Variants in ZC3H12B observed in about 807,000 individuals in gnomAD.
ZC3H12B encodes the protein zinc finger CCCH-type containing 12B.
Under a neutral mutation model 43.9 loss-of-function variants are expected in ZC3H12B, and 7 were observed. That is an observed-to-expected ratio of 0.16 (90% confidence interval 0.09 to 0.30). ZC3H12B has a LOEUF of 0.30. Among genes scored for constraint, ZC3H12B ranks in the 10% least tolerant of loss-of-function variants. The pLI is 1.00. For missense variants in ZC3H12B, 475 were observed against 670.2 expected, an observed-to-expected ratio of 0.71 and a Z score of 3.22; for synonymous variants, 222 against 241.7, an observed-to-expected ratio of 0.92 and a Z score of 0.76.
At chrX:65,470,903 G>T (rs2067902714) in intron 3 of ZC3H12B, among the ~76,000 whole-genome samples, 1 of 112,039 alleles carries the variant, frequency 8.9e-6, no homozygotes, top group Non-Finnish European at 1.9e-5. Context: ...TACTTGATAT[G>T]ATTTTGATTT....
the ZC3H12B span, among the ~76,000 whole-genome samples, chrX:65,353,440 C>A: frequency 6.3e-5 from 7 of 111,965 alleles, no homozygotes; most frequent in Non-Finnish European, 7.5e-5. Flanking sequence ...AACCTTAGAA[C>A]AAACACTAGA....
chrX:65,072,749 G>A, the ZC3H12B span, among the ~76,000 whole-genome samples: 1 of 111,842 alleles, frequency 8.9e-6, no homozygotes, highest in Non-Finnish European at 1.9e-5. Flanking sequence ...AGTGGCAGCA[G>A]CAACATGGTG....
the ZC3H12B span, among the ~76,000 whole-genome samples, chrX:65,357,722 C>T: frequency 2.7e-5 from 3 of 111,758 alleles, no homozygotes; most frequent in Non-Finnish European, 5.6e-5. Context: ...AAATTGGTAC[C>T]AGTCACTGCA....
the ZC3H12B span, among the ~76,000 whole-genome samples, chrX:65,166,186 C>A: frequency 9.0e-6 from 1 of 110,736 alleles, no homozygotes; most frequent in Admixed American, 9.7e-5. Flanking sequence ...CTAATGCTAT[C>A]CCTCCCCCTC....
At chrX:65,345,730 G>T in the ZC3H12B span, among the ~76,000 whole-genome samples, 1 of 111,520 alleles carries the variant, frequency 9.0e-6, no homozygotes, top group African/African-American at 3.3e-5. Context: ...AAAAAAGAAA[G>T]ACTCCACCAA....
the ZC3H12B span, among the ~76,000 whole-genome samples, chrX:65,164,001 C>A: frequency 8.9e-6 from 1 of 112,024 alleles, no homozygotes; most frequent in Non-Finnish European, 1.9e-5. Flanking sequence ...TTAAAAACTA[C>A]CTGTCGTTAT....
the ZC3H12B span, among the ~76,000 whole-genome samples, chrX:65,131,314 A>T: frequency 1.5e-3 from 170 of 111,452 alleles, 1 homozygote; most frequent in Middle Eastern, 4.6e-3. Context: ...GAAAGAAGGA[A>T]ATATGGGGAA....
chrX:65,351,749 A>C, the ZC3H12B span, among the ~76,000 whole-genome samples: 1 of 112,786 alleles, frequency 8.9e-6, no homozygotes, highest in Non-Finnish European at 1.9e-5. Context: ...GAGAAATGCA[A>C]ATCAAAACCA....
chrX:65,489,251 C>A lies in ZC3H12B; in HGVS notation c.450C>A (p.Asn150Lys), dbSNP rs760670685. The A allele has an allele frequency of 2.5e-6, 3 of 1,209,785 alleles. No homozygotes were observed. In the Admixed American group the frequency reaches 6.6e-5, roughly 26 times the overall value. The change falls in exon 1 of 5, where the codon AAC (asparagine) becomes AAA (lysine). Residue 150 changes from asparagine (N) to lysine (K), a missense_variant. Asn to Lys is a moderately conservative substitution (Grantham distance 94). Transcript: ENST00000338957. ...TGGCAGAGCTTGTCAGACTTGGGAACAAAGGTGATTCAGAAGGGCAGATCA... is the reference window on the plus strand; with the variant it reads ...TGGCAGAGCTTGTCAGACTTGGGAAAAAAGGTGATTCAGAAGGGCAGATCA...
At chrX:65,211,443 C>A in the ZC3H12B span, among the ~76,000 whole-genome samples, 1 of 107,511 alleles carries the variant, frequency 9.3e-6, no homozygotes, top group East Asian at 2.9e-4. Flanking sequence ...GTTCTAGGCA[C>A]CATGCTAAAT....
chrX:65,227,192 A>T, the ZC3H12B span, among the ~76,000 whole-genome samples: 4 of 111,968 alleles, frequency 3.6e-5, no homozygotes, highest in African/African-American at 9.8e-5. Context: ...CTCTCAGACC[A>T]CAGTGCAATC....
chrX:65,300,611 G>C, the ZC3H12B span, among the ~76,000 whole-genome samples: 89 of 110,881 alleles, frequency 8.0e-4, no homozygotes, highest in African/African-American at 2.7e-3. Context: ...ATAATCTCTT[G>C]GGAAGACTAT....
the ZC3H12B span, among the ~76,000 whole-genome samples, chrX:65,080,557 G>T: frequency 9.0e-6 from 1 of 111,021 alleles, no homozygotes; most frequent in African/African-American, 3.3e-5. Context: ...AACCTTACAG[G>T]CCAGGAGAGA....
At chrX:65,358,400 G>A in the ZC3H12B span, among the ~76,000 whole-genome samples, 2 of 111,433 alleles carry the variant, frequency 1.8e-5, no homozygotes, top group Admixed American at 9.5e-5. Context: ...GCACCATATC[G>A]CACTTATTCT....
chrX:65,306,563 C>A, the ZC3H12B span, among the ~76,000 whole-genome samples: 34 of 110,824 alleles, frequency 3.1e-4, no homozygotes, highest in African/African-American at 1.0e-3. Context: ...TTAATAGAGA[C>A]GGGGTTGCAC....
the ZC3H12B span, among the ~76,000 whole-genome samples, chrX:65,223,980 T>A: frequency 2.7e-5 from 3 of 112,460 alleles, no homozygotes; most frequent in Non-Finnish European, 5.6e-5. Flanking sequence ...GAAGTCATTA[T>A]ATGAAAAAGA....
the ZC3H12B span, chrX:65,327,954 C>T: frequency 2.3e-4 from 38 of 164,129 alleles, no homozygotes; most frequent in African/African-American, 1.2e-3. Flanking sequence ...AATATGTTTA[C>T]ATAGATCCAA....
chrX:65,342,129 T>C, the ZC3H12B span, among the ~76,000 whole-genome samples: 1 of 110,727 alleles, frequency 9.0e-6, no homozygotes, highest in Non-Finnish European at 1.9e-5. Flanking sequence ...TTTCAGAAAA[T>C]GACAGACTTT....
At chrX:65,365,547 GTAGACCTGAAAAA>G (rs2066162807), upstream of ZC3H12B, among the ~76,000 whole-genome samples, 1 of 110,740 alleles carries the variant, frequency 9.0e-6, no homozygotes, top group Non-Finnish European at 1.9e-5. Flanking sequence ...CCCGCTCAAA[GTAGACCTGAAAAA>G]TATCGCCCAT....
Sources: allele counts gnomAD v4.1 joint callset (sites outside exome capture counted in the v4.1 genomes callset), GRCh38; gene constraint gnomAD v4.1.1; transcripts MANE v1.5; gene names NCBI Gene and HGNC (gene_info 2026-07-23, HGNC 2026-07-21).